Variants in LOC122539214 observed in about 807,000 individuals in gnomAD.
the LOC122539214 span, among the ~76,000 whole-genome samples, chr19:52,675,719 G>A: frequency 6.6e-6 from 1 of 152,208 alleles, no homozygotes; most frequent in East Asian, 1.9e-4. Context: ...GGCAAGGGTG[G>A]AGGGCAGAAG....
chr19:52,652,082 C>A, the LOC122539214 span: 1 of 240,890 alleles, frequency 4.2e-6, no homozygotes, highest in South Asian at 6.1e-5. Context: ...ACACCTATTC[C>A]ATTTGTAAGA....
At chr19:52,671,407 G>GA in the LOC122539214 span, among the ~76,000 whole-genome samples, 7 of 151,810 alleles carry the variant, frequency 4.6e-5, no homozygotes, top group South Asian at 1.5e-3. Flanking sequence ...TGTGCCTTCT[G>GA]AAAAAATTAG....
the LOC122539214 span, among the ~76,000 whole-genome samples, chr19:52,686,098 G>A: frequency 0.69 from 105,443 of 151,784 alleles, 38,142 homozygotes; most frequent in African/African-American, 0.91. Flanking sequence ...TGGTTAAACT[G>A]CATTTTGATG....
chr19:52,684,399 A>T, the LOC122539214 span, among the ~76,000 whole-genome samples: 1 of 152,006 alleles, frequency 6.6e-6, no homozygotes, highest in South Asian at 2.1e-4. Flanking sequence ...AAATACAAAA[A>T]TTAACCAGGT....
chr19:52,663,629 T>C, the LOC122539214 span, among the ~76,000 whole-genome samples: 1 of 152,338 alleles, frequency 6.6e-6, no homozygotes, highest in Non-Finnish European at 1.5e-5. Flanking sequence ...TGAGTACACA[T>C]TGAAACAACC....
At chr19:52,659,798 A>G in the LOC122539214 span, among the ~76,000 whole-genome samples, 7 of 152,322 alleles carry the variant, frequency 4.6e-5, no homozygotes, top group Non-Finnish European at 5.9e-5. Context: ...AAACAACATC[A>G]TAATAAAACT....
chr19:52,669,972 G>T, the LOC122539214 span, among the ~76,000 whole-genome samples: 2 of 152,218 alleles, frequency 1.3e-5, no homozygotes, highest in Admixed American at 6.5e-5. Flanking sequence ...CAAGAGAAGG[G>T]AATGTTAGAT....
chr19:52,684,590 A>G, the LOC122539214 span, among the ~76,000 whole-genome samples: 1 of 150,462 alleles, frequency 6.6e-6, no homozygotes, highest in African/African-American at 2.4e-5. Context: ...AGTGCTTCTG[A>G]TATGATTGAT....
At chr19:52,655,166 AAG>A in the LOC122539214 span, 1 of 189,902 alleles carries the variant, frequency 5.3e-6, no homozygotes, top group African/African-American at 2.4e-5. Flanking sequence ...CAGCCTGAGC[AAG>A]AGAGGGAGAC....
chr19:52,654,068 T>C, the LOC122539214 span: 7 of 1,595,220 alleles, frequency 4.4e-6, no homozygotes, highest in South Asian at 5.5e-5. Context: ...TGATTATCAA[T>C]TTTCCCTTCA....
chr19:52,687,561 T>A, the LOC122539214 span, among the ~76,000 whole-genome samples: 3 of 22,782 alleles, frequency 1.3e-4, 1 homozygote, highest in Non-Finnish European at 2.7e-4. Flanking sequence ...TGTGTAAATT[T>A]TATATATATA....
At chr19:52,665,893 G>A in the LOC122539214 span, among the ~76,000 whole-genome samples, 1 of 152,016 alleles carries the variant, frequency 6.6e-6, no homozygotes, top group African/African-American at 2.4e-5. Context: ...ATGTGCGGTG[G>A]CTCACACCTG....
the LOC122539214 span, among the ~76,000 whole-genome samples, chr19:52,665,138 T>C: frequency 6.6e-6 from 1 of 152,184 alleles, no homozygotes; most frequent in South Asian, 2.1e-4. Flanking sequence ...TATTCTTCAT[T>C]CACTGGGGTG....
the LOC122539214 span, among the ~76,000 whole-genome samples, chr19:52,687,574 AATTT>A: frequency 2.8e-5 from 1 of 36,200 alleles, no homozygotes; most frequent in African/African-American, 1.8e-4. Context: ...TATATATATA[AATTT>A]TATATATATA....
At chr19:52,680,552 ATT>A in the LOC122539214 span, among the ~76,000 whole-genome samples, 1 of 147,934 alleles carries the variant, frequency 6.8e-6, no homozygotes, top group Non-Finnish European at 1.5e-5. Context: ...ACGTTAAGGT[ATT>A]TTGGCACATT....
At chr19:52,663,710 A>G in the LOC122539214 span, among the ~76,000 whole-genome samples, 1 of 152,246 alleles carries the variant, frequency 6.6e-6, no homozygotes, top group African/African-American at 2.4e-5. Context: ...GCAGTGCTCA[A>G]TCTAAACTGA....
At chr19:52,653,317 G>A in the LOC122539214 span, 1 of 1,333,580 alleles carries the variant, frequency 7.5e-7, no homozygotes. Context: ...ACATGTGTAA[G>A]GTTTCTCTCC....
At chr19:52,657,044 GA>G in the LOC122539214 span, among the ~76,000 whole-genome samples, 2 of 151,736 alleles carry the variant, frequency 1.3e-5, no homozygotes, top group African/African-American at 4.8e-5. Flanking sequence ...TGAGCCTGGA[GA>G]GCAGAGTTTG....
chr19:52,685,897 CAAAAAA>C, the LOC122539214 span, among the ~76,000 whole-genome samples: 23 of 132,548 alleles, frequency 1.7e-4, no homozygotes, highest in East Asian at 7.3e-4. Context: ...GTAACTGTCA[CAAAAAA>C]AAAAAAAAAA....
Sources: gnomAD v4.1 joint callset for allele counts (sites outside exome capture counted in the v4.1 genomes callset) on GRCh38, gnomAD v4.1.1 for gene constraint, MANE v1.5 for transcripts.